MYH14: variants seen among roughly 807,000 people sequenced by gnomAD.
MYH14 encodes the protein myosin-14.
MYH14 carries 123 observed loss-of-function variants against 255.5 expected under a neutral mutation model. That is an observed-to-expected ratio of 0.48 (90% CI 0.42 to 0.56). The LOEUF (loss-of-function observed/expected upper bound fraction) is 0.56. Ranked by LOEUF, MYH14 falls within the 20% of genes least tolerant of loss-of-function variation. The probability of loss-of-function intolerance (pLI) is 0.00; values close to 1 mark genes in which losing one functional copy is unlikely to be tolerated. For missense variants in MYH14, 2,423 were observed against 2,802.3 expected, an observed-to-expected ratio of 0.86 and a Z score of 3.06; for synonymous variants, 1,095 against 1,161.2, an observed-to-expected ratio of 0.94 and a Z score of 1.16.
intron 10 of MYH14, among the ~76,000 whole-genome samples, chr19:50,234,492 C>A (rs2033565372): frequency 6.6e-6 from 1 of 152,148 alleles, no homozygotes; most frequent in Non-Finnish European, 1.5e-5. Context: ...GGAAATGGAG[C>A]GTAGCTTGGC....
Position 50,276,666 on chromosome 19 carries a change from A to C in MYH14, c.3681-91A>C. ...AACATGAGGCCCTCATATTTTAAGGAAACATGAAAAGGAGAAACAACCAGC... is the reference window on the plus strand; with the variant it reads ...AACATGAGGCCCTCATATTTTAAGGCAACATGAAAAGGAGAAACAACCAGC... On this transcript the variant is annotated intron_variant, in intron 28 of 42. Transcript: ENST00000642316. This position sits in a 1 kb window ranked among gnomAD's most constrained non-coding sequence, Gnocchi z 4.3. The C allele has an allele frequency of 6.5e-7, 1 of 1,547,324 alleles. No homozygotes were observed. The highest frequency in any genetic ancestry group is 8.9e-7 in the Non-Finnish European group (1 of 1,123,814).
chr19:50,212,260 A>T (rs1600858739), intron 2 of MYH14, among the ~76,000 whole-genome samples: 1 of 152,338 alleles, frequency 6.6e-6, no homozygotes, highest in South Asian at 2.1e-4. Flanking sequence ...TGGTATTTTT[A>T]ATAAGCTTCC....
intron 2 of MYH14, among the ~76,000 whole-genome samples, chr19:50,211,016 A>G (rs1484380008): frequency 2.0e-5 from 3 of 152,258 alleles, no homozygotes; most frequent in East Asian, 3.8e-4. Flanking sequence ...TTCCTAAAGT[A>G]TAAAACGTTC....
chr19:50,291,911 T>C (rs2036088259), intron 36 of MYH14, among the ~76,000 whole-genome samples: 1 of 152,070 alleles, frequency 6.6e-6, no homozygotes, highest in African/African-American at 2.4e-5. Flanking sequence ...GTAGGCAAAC[T>C]GAGGCTCAGA....
intron 27 of MYH14, among the ~76,000 whole-genome samples, chr19:50,274,615 C>T (rs907496227): frequency 2.0e-5 from 3 of 152,054 alleles, no homozygotes; most frequent in African/African-American, 7.2e-5. Flanking sequence ...TTTATCACCC[C>T]CAAAAGGAAA....
chr19:50,287,787 T>C (rs2035940253), intron 34 of MYH14, among the ~76,000 whole-genome samples: 1 of 152,118 alleles, frequency 6.6e-6, no homozygotes, highest in Non-Finnish European at 1.5e-5. Flanking sequence ...TCACCACACA[T>C]ATGTATGGAT....
rs751448731 is a variant in MYH14, at chr19:50,289,564, G to A, written c.4881G>A (p.Val1627=). The A allele has an allele frequency of 4.3e-6, 7 of 1,613,016 alleles. No individual in the cohort carries two copies. Among genetic ancestry groups the A allele is most frequent in the Non-Finnish European group, 5.9e-6 (7 of 1,179,600 alleles). The part of the protein sequence containing the change: ...EDAKLRLEVT[V]QALKTQHERD... ...CCAAGCTGCGTCTGGAGGTGACTGT[G>A]CAGGCTCTCAAGACTCAGCATGAGC... Residue 1627 remains valine (V), a synonymous_variant, in exon 35 of 43, where the codon GTG becomes GTA. Coordinates refer to ENST00000642316, the MANE Select transcript of MYH14 (RefSeq NM_001145809.2).
rs767539684 is a variant in MYH14, at chr19:50,250,520, C to A, written c.1662C>A (p.Asn554Lys). The A allele has an allele frequency of 6.2e-7, 1 of 1,612,382 alleles. No homozygotes were observed. The highest frequency in any genetic ancestry group is 8.5e-7 in the Non-Finnish European group (1 of 1,179,166). The part of the protein sequence containing the change: ...PCIDLIERPA[N>K]PPGLLALLDE... ...CCCCTGCTGTCAATGGCCAGGCCAA[C>A]CCCCCTGGACTCCTGGCCCTGCTGG... Residue 554 changes from asparagine to lysine, a missense_variant, in exon 15 of 43, where the codon AAC (asparagine) becomes AAA (lysine). Physicochemically the swap from Asn to Lys is moderately conservative, Grantham distance 94. Around this residue, in one of 3 missense-constraint regions of MYH14, gnomAD observed 672 missense variants for 881.8 expected, o/e 0.76. Transcript: ENST00000642316. The surrounding 1 kb of genome is among the most constrained non-coding windows in gnomAD (Gnocchi z 5.4).
In MYH14 at chr19:50,221,736, C is replaced by T. The variant is rs2032830441; in HGVS notation, c.563-1347C>T. 3.3e-5 allele frequency among the ~76,000 whole-genome samples: 5 copies of T among 152,142 alleles called. No individual in the cohort carries two copies. The highest frequency in any genetic ancestry group is 4.1e-4 in the South Asian group (2 of 4,832). On this transcript the variant is annotated intron_variant, in intron 3 of 42. Transcript: ENST00000642316. This position sits in a 1 kb window ranked among gnomAD's most constrained non-coding sequence, Gnocchi z 5.3. ...GGGTGATCTGCTGGCCTCGGCCTCC[C>T]AAAGTGCTGGGATTACAGGTATGAG...
chr19:50,273,466 G>A (rs959508281), intron 27 of MYH14, among the ~76,000 whole-genome samples: 28 of 152,026 alleles, frequency 1.8e-4, no homozygotes, highest in Non-Finnish European at 4.0e-4. Flanking sequence ...GCCAAATGTG[G>A]TGCTTAGTGT....
chr19:50,284,210 TAG>T (rs1489424722), intron 33 of MYH14, among the ~76,000 whole-genome samples: 2 of 152,242 alleles, frequency 1.3e-5, no homozygotes, highest in African/African-American at 4.8e-5. Flanking sequence ...TCCATTCTGT[TAG>T]AGTCTTTCAA....
rs920241916 is a variant in MYH14 at position 50,230,605 on chromosome 19, G to A, written c.955G>A (p.Ala319Thr). 1.9e-6 allele frequency: 3 copies of A among 1,565,218 alleles called. No individual in the cohort carries two copies. Among genetic ancestry groups the A allele is most frequent in the East Asian group, 2.4e-5 (1 of 42,002 alleles). The change falls in exon 9 of 43, where the codon GCT (alanine) becomes ACT (threonine). Residue 319 changes from alanine (A) to threonine (T), a missense_variant. Around this residue, in one of 3 missense-constraint regions of MYH14, gnomAD observed 672 missense variants for 881.8 expected, o/e 0.76. Transcript: ENST00000642316. This position sits in a 1 kb window ranked among gnomAD's most constrained non-coding sequence, Gnocchi z 4.7. ...CATCTTCTACCAGCTGCTGGGGGGC[G>A]CTGGAGAGCAGCTCAAAGGTCAGTG... is the stretch of plus-strand genomic sequence containing the variant. ...FHIFYQLLGG[A>T]GEQLKADLLL...
At chr19:50,245,457 A>G (rs2034073935) in intron 11 of MYH14, among the ~76,000 whole-genome samples, 1 of 149,646 alleles carries the variant, frequency 6.7e-6, no homozygotes, top group Non-Finnish European at 1.5e-5. Context: ...GAAAAAGAAG[A>G]AGAAAGAAAG....
chr19:50,210,581 C>A lies in MYH14; in HGVS notation c.216C>A (p.Asp72Glu). ...LHGFEAAALR[D>E]EGEEEAEVEL... ...GGTTCGAGGCGGCGGCGCTGCGGGA[C>A]GAAGGCGAGGAGGAGGCGGAGGTGG... Residue 72 changes from aspartate to glutamate, a missense_variant, in exon 2 of 43, where the codon GAC becomes GAA. Physicochemically the swap from Asp to Glu is conservative, Grantham distance 45. Transcript: ENST00000642316. 2 of 1,576,598 alleles carry A rather than the reference C, an allele frequency of 1.3e-6. No individual in the cohort carries two copies. The highest frequency in any genetic ancestry group is 1.2e-5 in the South Asian group (1 of 86,418).
intron 13 of MYH14, 32 bp from the exon 14 acceptor site, chr19:50,249,618 C>T (rs774711307): frequency 1.8e-6 from 2 of 1,137,160 alleles, no homozygotes; most frequent in Non-Finnish European, 2.3e-6. Context: ...CCCTCTCCAT[C>T]CTCCCAGCTC....
chr19:50,275,151 C>A (rs1171711611), intron 27 of MYH14, among the ~76,000 whole-genome samples: 1 of 152,176 alleles, frequency 6.6e-6, no homozygotes, highest in Non-Finnish European at 1.5e-5. Context: ...CAGGACCCTG[C>A]CCTTCTTAAG....
chr19:50,219,692 A>C (rs560199765), intron 3 of MYH14, among the ~76,000 whole-genome samples: 3 of 152,216 alleles, frequency 2.0e-5, no homozygotes, highest in South Asian at 2.1e-4. Flanking sequence ...TGTACAGCTG[A>C]GCAGGTTGTA....
intron 40 of MYH14, among the ~76,000 whole-genome samples, chr19:50,302,940 CAA>C (rs2036542791): frequency 6.6e-6 from 1 of 152,092 alleles, no homozygotes; most frequent in South Asian, 2.1e-4. Flanking sequence ...AAAAAACAAA[CAA>C]AGTGTGTAAA....
chr19:50,260,718 G>A lies in MYH14; in HGVS notation c.2424+3G>A, dbSNP rs975959486. Reference sequence around the variant, plus strand: ...GGAAGCAGGCCTGTGAAAAGATGGTGAGTGGGGCAGAGCCTGGAATGCGTG... The same window carrying A: ...GGAAGCAGGCCTGTGAAAAGATGGTAAGTGGGGCAGAGCCTGGAATGCGTG... On this transcript the variant is annotated splice_donor_region_variant and intron_variant, in intron 20 of 42. Transcript: ENST00000642316. The A allele has an allele frequency of 3.1e-6, 5 of 1,610,144 alleles. No individual in the cohort carries two copies. The highest frequency in any genetic ancestry group is 1.3e-5 in the African/African-American group (1 of 74,244).
Sources: gnomAD v4.1 joint callset for allele counts (sites outside exome capture counted in the v4.1 genomes callset) on GRCh38, gnomAD v4.1.1 for gene constraint, gnomAD v4.1.1 regional missense constraint, Gnocchi (gnomAD v3.1) non-coding constraint, MANE v1.5 for transcripts, NCBI Gene and HGNC (gene_info 2026-07-23, HGNC 2026-07-21) for gene names.